RSF1: variants seen among roughly 807,000 people sequenced by gnomAD.
RSF1 encodes the protein HBV pX-associated protein 8.
Under a neutral mutation model 145.2 loss-of-function variants are expected in RSF1, and 13 were observed. The ratio of observed to expected loss-of-function variants is 0.09; its 90% CI spans 0.06 to 0.14. The LOEUF is 0.14. RSF1 is among the 10% of genes least tolerant of loss of function. The pLI, the probability that RSF1 is intolerant of heterozygous loss-of-function variation, is 1.00. For synonymous variants in RSF1, 577 were observed against 592.6 expected, an observed-to-expected ratio of 0.97 and a Z score of 0.38; for missense variants, 1,517 against 1,718.2, an observed-to-expected ratio of 0.88 and a Z score of 2.07.
intron 2 of RSF1, among the ~76,000 whole-genome samples, chr11:77,756,174 A>C (rs1485514477): frequency 6.6e-6 from 1 of 151,954 alleles, no homozygotes; most frequent in Non-Finnish European, 1.5e-5. Flanking sequence ...CCTGACCAAC[A>C]CGGAGAAACC....
chr11:77,771,455 G>A (rs1948284870), intron 1 of RSF1, among the ~76,000 whole-genome samples: 1 of 152,168 alleles, frequency 6.6e-6, no homozygotes, highest in Non-Finnish European at 1.5e-5. Flanking sequence ...TTCCTCCAAT[G>A]TGGCTAGAAA....
chr11:77,836,383 G>A, the RSF1 span, among the ~76,000 whole-genome samples: 1 of 152,034 alleles, frequency 6.6e-6, no homozygotes, highest in Non-Finnish European at 1.5e-5. Flanking sequence ...AAGAGAAAGA[G>A]ATAGCAGGTG....
At chr11:77,753,939 G>A (rs1948090108) in intron 2 of RSF1, among the ~76,000 whole-genome samples, 1 of 152,074 alleles carries the variant, frequency 6.6e-6, no homozygotes, top group African/African-American at 2.4e-5. Context: ...CAACCAATAA[G>A]CAGTAAGCAC....
intron 1 of RSF1, among the ~76,000 whole-genome samples, chr11:77,779,421 T>G (rs1565178139): frequency 6.6e-6 from 1 of 151,776 alleles, no homozygotes; most frequent in African/African-American, 2.4e-5. Context: ...TCACTCTTGT[T>G]GCCCAGGCTG....
chr11:77,817,747 C>G (rs998957102), intron 1 of RSF1, among the ~76,000 whole-genome samples: 2 of 152,216 alleles, frequency 1.3e-5, no homozygotes, highest in African/African-American at 4.8e-5. Flanking sequence ...CTTCAGAGAA[C>G]AGTTGCAAGG....
chr11:77,802,550 A>AT lies in RSF1; in HGVS notation c.187+17977dup, dbSNP rs1216193392. ...AATACTGAAACCATTTAATTAATTA[A>AT]TTTTTTTTTTGAGACAGAGTTTTAC... On this transcript the variant is annotated intron_variant, in intron 1 of 15. Coordinates refer to ENST00000308488, the MANE Select transcript of RSF1 (RefSeq NM_016578.4). Among the ~76,000 whole-genome samples the AT allele has an allele frequency of 3.1e-3, 461 of 150,428 alleles. 2 individuals are homozygous for AT. Among genetic ancestry groups the AT allele is most frequent in the Middle Eastern group, 0.014 (4 of 292 alleles).
At chr11:77,831,472 T>C in the RSF1 span, among the ~76,000 whole-genome samples, 1 of 152,210 alleles carries the variant, frequency 6.6e-6, no homozygotes, top group Admixed American at 6.5e-5. Context: ...ACAGATTCTT[T>C]GGCTACTCCT....
chr11:77,855,158 C>T, the RSF1 span, among the ~76,000 whole-genome samples: 1 of 152,180 alleles, frequency 6.6e-6, no homozygotes, highest in Non-Finnish European at 1.5e-5. Context: ...ACCATTATTT[C>T]CTCCTAGGCC....
intron 4 of RSF1, among the ~76,000 whole-genome samples, chr11:77,738,003 C>T (rs1017294966): frequency 2.0e-4 from 30 of 152,114 alleles, no homozygotes; most frequent in Non-Finnish European, 3.8e-4. Context: ...GTGGCGGGTG[C>T]CTGTAGTCCC....
At chr11:77,862,371 A>G in the RSF1 span, among the ~76,000 whole-genome samples, 2 of 152,188 alleles carry the variant, frequency 1.3e-5, no homozygotes, top group African/African-American at 4.8e-5. Flanking sequence ...ACCCTTGTAA[A>G]ACATCAATAT....
rs1186205295 is a variant in RSF1, at chr11:77,701,308, G to C, written c.1921C>G (p.Leu641Val). ...PSNIIDHCEK[L>V]ASEKEVVECQ... is the part of the protein sequence containing the mutation. ...TCTACCACTTCTTTTTCTGAGGCTA[G>C]TTTCTCACAGTGGTCAATGATATTA... Residue 641 changes from leucine to valine, a missense_variant, in exon 6 of 16, where the codon CTA becomes GTA. Physicochemically the swap from Leu to Val is conservative, Grantham distance 32 (BLOSUM62 1). Around this residue, in one of 12 missense-constraint regions of RSF1, gnomAD observed 579 missense variants for 553.5 expected, o/e 1.05. Coordinates refer to ENST00000308488, the MANE Select transcript of RSF1 (RefSeq NM_016578.4). 2 of 1,613,960 alleles carry C rather than the reference G, an allele frequency of 1.2e-6. No homozygotes were observed. The highest frequency in any genetic ancestry group is 8.5e-7 in the Non-Finnish European group (1 of 1,180,034).
rs1405883854 is a variant in RSF1 at position 77,661,813 on chromosome 11, T to TTAACTTA, written c.*5103_*5104insTAAGTTA. ...AAATAAGTTAAATGATTCAGAAGGTTTTGAGCCATGAAGTTCCCCAATAAC... is the reference window on the plus strand; with the variant it reads ...AAATAAGTTAAATGATTCAGAAGGTTTAACTTATTGAGCCATGAAGTTCCCCAATAAC... On this transcript the variant is annotated 3_prime_UTR_variant, in exon 16 of 16. Transcript: ENST00000308488. The TTAACTTA allele has an allele frequency of 2.0e-5, 3 of 151,992 alleles. No homozygotes were observed. Among genetic ancestry groups the TTAACTTA allele is most frequent in the Non-Finnish European group, 4.4e-5 (3 of 67,944 alleles). The allele number at this position is 151,992 out of a possible 1,614,324, so 9.4% of individuals were successfully genotyped here.
chr11:77,784,111 C>T (rs1454925593), intron 1 of RSF1, among the ~76,000 whole-genome samples: 1 of 152,158 alleles, frequency 6.6e-6, no homozygotes. Context: ...TGGCTCCATC[C>T]TCCTTCTAGG....
At chr11:77,710,318 T>C (rs1019247644) in intron 5 of RSF1, among the ~76,000 whole-genome samples, 11 of 152,244 alleles carry the variant, frequency 7.2e-5, no homozygotes, top group African/African-American at 2.7e-4. Context: ...AAAATCTATT[T>C]GGCAATTTTA....
upstream of RSF1, among the ~76,000 whole-genome samples, chr11:77,823,619 CTCAAAAAA>C (rs1949037788): frequency 3.5e-5 from 2 of 56,646 alleles, no homozygotes; most frequent in African/African-American, 7.8e-5. Context: ...TACACCCTGT[CTCAAAAAA>C]AAAAAAAAAA....
At chr11:77,693,000 G>GAA (rs1408283648) in intron 8 of RSF1, among the ~76,000 whole-genome samples, 1 of 152,136 alleles carries the variant, frequency 6.6e-6, no homozygotes, top group African/African-American at 2.4e-5. Context: ...TAAGGCAAAT[G>GAA]AAAGTAGGTT....
chr11:77,750,802 G>A (rs543402753), intron 2 of RSF1, among the ~76,000 whole-genome samples: 13 of 152,234 alleles, frequency 8.5e-5, no homozygotes, highest in African/African-American at 1.7e-4. Flanking sequence ...CATAACATTC[G>A]TACCTATTAT....
chr11:77,706,728 G>T (rs1960561209), intron 5 of RSF1, among the ~76,000 whole-genome samples: 1 of 151,818 alleles, frequency 6.6e-6, no homozygotes, highest in Non-Finnish European at 1.5e-5. Context: ...CAGGTAAATT[G>T]CGTATCATGA....
intron 1 of RSF1, among the ~76,000 whole-genome samples, chr11:77,804,690 G>A (rs1232608248): frequency 1.3e-5 from 2 of 152,084 alleles, no homozygotes; most frequent in East Asian, 3.9e-4. Context: ...AAAATTAGCT[G>A]AGTATGGTGA....
Sources: allele counts gnomAD v4.1 joint callset (sites outside exome capture counted in the v4.1 genomes callset), GRCh38; gene constraint gnomAD v4.1.1; regional missense constraint gnomAD v4.1.1; transcripts MANE v1.5; gene names NCBI Gene and HGNC (gene_info 2026-07-23, HGNC 2026-07-21).